The following GPATCH3 variants were observed in gnomAD, a reference collection of about 807,000 sequenced individuals.
The protein encoded by GPATCH3 is G-patch domain containing 3, also known as G patch domain-containing protein 3.
A neutral mutation model predicts 53.2 loss-of-function variants in GPATCH3; 45 were observed. The observed-to-expected ratio is 0.85, with a 90% confidence interval of 0.67 to 1.08. The LOEUF (loss-of-function observed/expected upper bound fraction) is 1.08. GPATCH3 is among the 50% of genes least tolerant of loss of function. The pLI, the probability that GPATCH3 is intolerant of heterozygous loss-of-function variation, is 0.00. For missense variants in GPATCH3, 680 were observed against 687.2 expected, an observed-to-expected ratio of 0.99 and a Z score of 0.12; for synonymous variants, 280 against 270.6, an observed-to-expected ratio of 1.03 and a Z score of -0.34.
intron 2 of GPATCH3, among the ~76,000 whole-genome samples, chr1:26,896,949 G>A (rs2081953532): frequency 2.6e-5 from 4 of 151,364 alleles, no homozygotes; most frequent in Admixed American, 2.6e-4. Flanking sequence ...GTGAACCCAG[G>A]AGGCAGAGCT....
intron 1 of GPATCH3, among the ~76,000 whole-genome samples, chr1:26,899,326 G>A (rs554177267): frequency 5.9e-5 from 9 of 152,306 alleles, no homozygotes; most frequent in African/African-American, 1.9e-4. Context: ...TCATAGGACT[G>A]TTGAGAGGGG....
Position 26,897,395 on chromosome 1 carries a change from TG to T in GPATCH3, c.781del (p.Gln261LysfsTer50). The stretch of plus-strand genomic sequence containing the variant: ...TGGTATATCTGCCAGGTAGGTTCCT[TG>T]GGGTATTTCTTCACCCTCTGCTGTA... ...VYTAEGEEIPQGTYLADIPAS... is the reference protein window; with the variant it reads ...VYTAEGEEIPXGTYLADIPAS... On this transcript the variant is annotated frameshift_variant, in exon 2 of 7. Coordinates refer to ENST00000361720, the MANE Select transcript of GPATCH3 (RefSeq NM_022078.3). LOFTEE classifies it high-confidence loss of function. 1.2e-6 allele frequency: 2 copies of T among 1,614,182 alleles called. No individual in the cohort carries two copies. Among genetic ancestry groups the T allele is most frequent in the Non-Finnish European group, 1.7e-6 (2 of 1,180,036 alleles).
intron 6 of GPATCH3, among the ~76,000 whole-genome samples, chr1:26,892,149 T>A (rs1363948311): frequency 6.6e-6 from 1 of 152,052 alleles, no homozygotes; most frequent in African/African-American, 2.4e-5. Flanking sequence ...GGACTTTTTA[T>A]TTTTCTAACA....
intron 6 of GPATCH3, among the ~76,000 whole-genome samples, chr1:26,891,687 C>T (rs2081927014): frequency 1.3e-5 from 2 of 152,066 alleles, no homozygotes; most frequent in African/African-American, 2.4e-5. Flanking sequence ...GCTGGGACTA[C>T]AGGCGCATGC....
intron 2 of GPATCH3, 141 bp downstream of exon 2, chr1:26,897,160 A>G (rs991849480): frequency 7.1e-6 from 5 of 708,992 alleles, no homozygotes; most frequent in South Asian, 3.6e-5. Flanking sequence ...ATATAGTTTT[A>G]CATTCCTTCT....
Position 26,899,864 on chromosome 1 carries a change from C to T in GPATCH3, c.451+128G>A, listed in dbSNP as rs372253874. ...AACTCCCTGCAAGTTGAGCCTGAAG[C>T]TCTGTCTAGAATATGAACTAAACTC... On this transcript the variant is annotated intron_variant, in intron 1 of 6. Transcript: ENST00000361720. The T allele has an allele frequency of 4.9e-5, 39 of 799,268 alleles. No homozygotes were observed. In the East Asian group the frequency reaches 8.0e-4, roughly 16 times the overall value. The allele number at this position is 799,268 out of a possible 1,614,324, so 49.5% of individuals were successfully genotyped here. A position where few individuals can be genotyped will look rare whatever the true frequency, so the allele number is the denominator to read the frequency against.
chr1:26,899,564 T>G (rs1054686240), intron 1 of GPATCH3, among the ~76,000 whole-genome samples: 1 of 152,232 alleles, frequency 6.6e-6, no homozygotes, highest in Non-Finnish European at 1.5e-5. Context: ...TGCACTGTCC[T>G]GTTTCCCCAT....
In GPATCH3 at chr1:26,897,558, G is replaced by A. The variant is rs767698969; in HGVS notation, c.619C>T (p.Arg207Trp). ...ATCCGAGGGGGTAGGCGGCAGGCCC[G>A]GATCAACTCCAAAAAGACCCGCAGG... is the stretch of plus-strand genomic sequence containing the variant. ...TPLRVFLELI[R>W]ACRLPPRIIT... is the part of the protein sequence containing the mutation. Residue 207 changes from arginine (R) to tryptophan (W), a missense_variant, in exon 2 of 7, where the codon CGG becomes TGG. Arg to Trp is a moderately radical substitution (Grantham distance 101, BLOSUM62 -3). Transcript: ENST00000361720. 9.3e-6 allele frequency: 15 copies of A among 1,614,058 alleles called. No individual in the cohort carries two copies. Among genetic ancestry groups the A allele is most frequent in the Non-Finnish European group, 1.2e-5 (14 of 1,180,036 alleles).
rs752978036 is a variant in GPATCH3, at chr1:26,892,753, G to T, written c.1150C>A (p.Arg384Ser). Residue 384 changes from arginine (R) to serine (S), a missense_variant, in exon 5 of 7, where the codon CGT (arginine) becomes AGT (serine). Transcript: ENST00000361720. ...CCATCTCGGAGTCTCTGTTCCAGACGCATTTGGACAGAGTCTCGGGCATCC... is the reference window on the plus strand; with the variant it reads ...CCATCTCGGAGTCTCTGTTCCAGACTCATTTGGACAGAGTCTCGGGCATCC... ...DKDARDSVQM[R>S]LEQRLRDGQE... The T allele has an allele frequency of 1.4e-5, 22 of 1,614,126 alleles. No homozygotes were observed. The highest frequency in any genetic ancestry group is 1.9e-5 in the Non-Finnish European group (22 of 1,179,984).
At chr1:26,896,425 G>A (rs909210924) in intron 2 of GPATCH3, among the ~76,000 whole-genome samples, 4 of 150,784 alleles carry the variant, frequency 2.7e-5, no homozygotes, top group East Asian at 3.9e-4. Context: ...GGCGCAGTGG[G>A]TCATGCCTGT....
intron 1 of GPATCH3, 91 bp downstream of exon 1, chr1:26,899,901 A>G: frequency 1.7e-6 from 2 of 1,186,990 alleles, no homozygotes; most frequent in Non-Finnish European, 2.4e-6. Flanking sequence ...TAGAGTCCTA[A>G]CCAGAGGCCT....
chr1:26,894,062 C>T (rs2081940043), intron 3 of GPATCH3, among the ~76,000 whole-genome samples, 174 bp downstream of exon 3: 2 of 152,138 alleles, frequency 1.3e-5, no homozygotes, highest in Non-Finnish European at 2.9e-5. Flanking sequence ...TTCTCTCCAT[C>T]TCACTGATCC....
chr1:26,895,780 GCAC>G (rs1236825352), intron 2 of GPATCH3, among the ~76,000 whole-genome samples: 1 of 151,812 alleles, frequency 6.6e-6, no homozygotes, highest in Admixed American at 6.6e-5. Flanking sequence ...AGGACTACAG[GCAC>G]CACGCCTGGC....
intron 2 of GPATCH3, 100 bp from the exon 3 acceptor site, chr1:26,894,510 C>T: frequency 8.9e-7 from 1 of 1,125,038 alleles, no homozygotes. Flanking sequence ...AGCCTCAGCG[C>T]CATTCCTTCA....
intron 1 of GPATCH3, among the ~76,000 whole-genome samples, chr1:26,898,564 A>C (rs1385632279): frequency 6.6e-6 from 1 of 151,388 alleles, no homozygotes; most frequent in Non-Finnish European, 1.5e-5. Flanking sequence ...TACCCACCTG[A>C]TGACCTTTTG....
chr1:26,891,901 GTTT>G (rs1445442273), intron 6 of GPATCH3, among the ~76,000 whole-genome samples: 3 of 152,134 alleles, frequency 2.0e-5, no homozygotes, highest in African/African-American at 7.2e-5. Flanking sequence ...TAGACACAGG[GTTT>G]CACCATCTTG....
At chr1:26,892,248 C>A (rs1028117188) in intron 6 of GPATCH3, among the ~76,000 whole-genome samples, 163 bp downstream of exon 6, 2 of 152,224 alleles carry the variant, frequency 1.3e-5, no homozygotes, top group Non-Finnish European at 2.9e-5. Flanking sequence ...GGATTACAGG[C>A]TTGAGCCACC....
chr1:26,891,207 G>A lies in GPATCH3; in HGVS notation c.1381C>T (p.Gln461Ter). Residue 461 changes from glutamine (Q) to a stop codon, truncating the protein, a stop_gained, in exon 7 of 7, where the codon CAG becomes TAG. Coordinates refer to ENST00000361720, the MANE Select transcript of GPATCH3 (RefSeq NM_022078.3). LOFTEE classifies it high-confidence loss of function. Reference sequence around the variant, plus strand: ...GGCCTCTTCAGTTGCCCAAATGGCTGTAGCTTCTCTCCATGGTACCTGGAT... The same window carrying A: ...GGCCTCTTCAGTTGCCCAAATGGCTATAGCTTCTCTCCATGGTACCTGGAT... ...RGLGYHGEKLQPFGQLKRPRR... is the reference protein window; with the variant it reads ...RGLGYHGEKL 6.2e-7 allele frequency: 1 copy of A among 1,613,300 alleles called. No individual in the cohort carries two copies. Among genetic ancestry groups the A allele is most frequent in the Non-Finnish European group, 8.5e-7 (1 of 1,179,564 alleles).
In GPATCH3 at chr1:26,900,018, C is replaced by T; in HGVS notation, c.425G>A (p.Arg142Lys). ...TGATGCCTCCGTAGGTAGCCGAAGT[C>T]TGCGGATGAGACAGCGACCCGGTAG... ...TWLPGRCLIR[R>K]LRLPTEASGL... Residue 142 changes from arginine to lysine, a missense_variant, in exon 1 of 7, where the codon AGA becomes AAA. Coordinates refer to ENST00000361720, the MANE Select transcript of GPATCH3 (RefSeq NM_022078.3). 1 of 1,614,160 alleles carries T rather than the reference C, an allele frequency of 6.2e-7. No homozygotes were observed. Among genetic ancestry groups the T allele is most frequent in the Non-Finnish European group, 8.5e-7 (1 of 1,180,050 alleles).
Sources: gnomAD v4.1 joint callset for allele counts (sites outside exome capture counted in the v4.1 genomes callset) on GRCh38, gnomAD v4.1.1 for gene constraint, MANE v1.5 for transcripts, NCBI Gene and HGNC (gene_info 2026-07-23, HGNC 2026-07-21) for gene names.